SV2C: variants seen among roughly 807,000 people sequenced by gnomAD.
SV2C encodes solute carrier family 22 member B3.
SV2C carries 49 observed loss-of-function variants against 79.7 expected under a neutral mutation model. That is an observed-to-expected ratio of 0.61 (90% CI 0.49 to 0.78). The LOEUF (loss-of-function observed/expected upper bound fraction) is 0.78. SV2C is among the 30% of genes least tolerant of loss of function. The pLI is 0.00. For synonymous variants in SV2C, 334 were observed against 333.2 expected, an observed-to-expected ratio of 1.00 and a Z score of -0.03; for missense variants, 833 against 912.9, an observed-to-expected ratio of 0.91 and a Z score of 1.13.
the SV2C span, among the ~76,000 whole-genome samples, chr5:75,989,106 G>T: frequency 6.6e-6 from 1 of 151,768 alleles, no homozygotes; most frequent in Non-Finnish European, 1.5e-5. Flanking sequence ...TCAATAGGTG[G>T]AGTTTTCCCA....
At chr5:76,094,002 A>G (rs1326933707) in intron 1 of SV2C, among the ~76,000 whole-genome samples, 3 of 152,164 alleles carry the variant, frequency 2.0e-5, no homozygotes, top group Non-Finnish European at 4.4e-5. Flanking sequence ...AGTCCCTGCT[A>G]CTTGGGAGGT....
intron 1 of SV2C, among the ~76,000 whole-genome samples, chr5:76,094,886 T>A (rs12697846): frequency 0.2 from 30,878 of 151,970 alleles, 3,458 homozygotes; most frequent in East Asian, 0.45. Flanking sequence ...TTCCTCCTAG[T>A]GTGGCTTGTC....
At chr5:76,197,393 A>G (rs1275975066) in intron 3 of SV2C, among the ~76,000 whole-genome samples, 1 of 152,178 alleles carries the variant, frequency 6.6e-6, no homozygotes, top group Non-Finnish European at 1.5e-5. Flanking sequence ...TGGCCCATGC[A>G]AGAAACAGAA....
chr5:75,889,344 T>G, the SV2C span, among the ~76,000 whole-genome samples: 2 of 143,588 alleles, frequency 1.4e-5, no homozygotes, highest in Non-Finnish European at 3.0e-5. Flanking sequence ...AATGAGAACA[T>G]GTGGTGTTTG....
At chr5:75,950,082 G>A in the SV2C span, among the ~76,000 whole-genome samples, 1 of 152,048 alleles carries the variant, frequency 6.6e-6, no homozygotes, top group Non-Finnish European at 1.5e-5. Flanking sequence ...GTAGCTCCCA[G>A]GGAAGTAGGT....
chr5:76,274,340 A>G (rs1045468413), intron 4 of SV2C, among the ~76,000 whole-genome samples: 1 of 152,196 alleles, frequency 6.6e-6, no homozygotes, highest in African/African-American at 2.4e-5. Context: ...TTCAAAAAGT[A>G]AAAGTCCTCA....
At chr5:76,255,318 A>G (rs1170185978) in intron 4 of SV2C, among the ~76,000 whole-genome samples, 2 of 152,178 alleles carry the variant, frequency 1.3e-5, no homozygotes, top group African/African-American at 4.8e-5. Context: ...GAATTCACAA[A>G]CGCATTCTGG....
chr5:75,882,038 T>C, the SV2C span, among the ~76,000 whole-genome samples: 1 of 150,220 alleles, frequency 6.7e-6, no homozygotes, highest in Non-Finnish European at 1.5e-5. Context: ...AGGCCTTTTC[T>C]GCATCTATTG....
the SV2C span, among the ~76,000 whole-genome samples, chr5:75,868,105 T>G: frequency 1.3e-5 from 2 of 152,186 alleles, no homozygotes; most frequent in African/African-American, 4.8e-5. Context: ...ACATTTGAAC[T>G]GAATTTTGAA....
chr5:75,932,222 T>C, the SV2C span, among the ~76,000 whole-genome samples: 1 of 152,092 alleles, frequency 6.6e-6, no homozygotes, highest in Non-Finnish European at 1.5e-5. Context: ...ACATCCAGGG[T>C]CCACTCATCT....
At chr5:75,871,142 G>A in the SV2C span, among the ~76,000 whole-genome samples, 2 of 152,170 alleles carry the variant, frequency 1.3e-5, no homozygotes, top group African/African-American at 4.8e-5. Context: ...GGGAAAAAAG[G>A]TATGTGATCA....
At chr5:76,080,786 C>T (rs758852495), upstream of SV2C, among the ~76,000 whole-genome samples, 7 of 151,986 alleles carry the variant, frequency 4.6e-5, no homozygotes, top group Non-Finnish European at 1.0e-4. Context: ...GAGGGTATAC[C>T]CCTTTTCACT....
chr5:76,318,009 A>G (rs1213918485), intron 12 of SV2C, among the ~76,000 whole-genome samples: 7 of 152,166 alleles, frequency 4.6e-5, no homozygotes, highest in African/African-American at 1.7e-4. Flanking sequence ...AAAAAAACCC[A>G]TATCTGGCCC....
the SV2C span, among the ~76,000 whole-genome samples, chr5:75,918,462 CG>C: frequency 2.6e-5 from 4 of 152,274 alleles, no homozygotes; most frequent in South Asian, 8.3e-4. Flanking sequence ...GTTATATCTT[CG>C]TGAAAGATGT....
At chr5:76,304,973 A>G (rs568399248) in intron 12 of SV2C, among the ~76,000 whole-genome samples, 3 of 152,316 alleles carry the variant, frequency 2.0e-5, no homozygotes, top group South Asian at 4.1e-4. Context: ...GCATAGTGGC[A>G]TCTGCTTCTG....
At chr5:76,158,393 G>A (rs1561241692) in intron 2 of SV2C, among the ~76,000 whole-genome samples, 2 of 151,412 alleles carry the variant, frequency 1.3e-5, no homozygotes, top group South Asian at 4.2e-4. Flanking sequence ...GAAAGCTGGA[G>A]AGGCTATGTT....
the SV2C span, among the ~76,000 whole-genome samples, chr5:75,855,736 T>C: frequency 6.6e-6 from 1 of 152,172 alleles, no homozygotes; most frequent in Non-Finnish European, 1.5e-5. Flanking sequence ...ATGCAATGCA[T>C]AATAATCACA....
At chr5:76,228,312 G>C (rs1011138162) in intron 4 of SV2C, among the ~76,000 whole-genome samples, 6 of 152,192 alleles carry the variant, frequency 3.9e-5, no homozygotes, top group Non-Finnish European at 4.4e-5. Flanking sequence ...GAACAGGGCT[G>C]AGCTGTATGG....
chr5:76,314,100 A>C (rs1171809242), intron 12 of SV2C, among the ~76,000 whole-genome samples: 3 of 152,200 alleles, frequency 2.0e-5, no homozygotes, highest in African/African-American at 4.8e-5. Context: ...ACTCACTAGA[A>C]TGTTAGCTCC....
Sources: gnomAD v4.1 joint callset for allele counts (sites outside exome capture counted in the v4.1 genomes callset) on GRCh38, gnomAD v4.1.1 for gene constraint, MANE v1.5 for transcripts, NCBI Gene and HGNC (gene_info 2026-07-23, HGNC 2026-07-21) for gene names.